Variants in TRAK1 observed in about 807,000 individuals in gnomAD.
The protein encoded by TRAK1 is trafficking kinesin-binding protein 1.
A neutral mutation model predicts 92.1 loss-of-function variants in TRAK1; 33 were observed. That is an observed-to-expected ratio of 0.36 (90% CI 0.27 to 0.48). TRAK1 has a LOEUF of 0.48. TRAK1 is among the 20% of genes least tolerant of loss of function. The probability of loss-of-function intolerance (pLI) is 0.99; values close to 1 mark genes in which losing one functional copy is unlikely to be tolerated. For synonymous variants in TRAK1, 521 were observed against 517.3 expected (o/e 1.01, Z -0.10); for missense variants, 1,123 against 1,257.9 (o/e 0.89, Z 1.62).
chr3:42,223,009 C>A lies in TRAK1; in HGVS notation c.2134C>A (p.Pro712Thr). 3.1e-6 allele frequency: 5 copies of A among 1,614,170 alleles called. No individual in the cohort carries two copies. The highest frequency in any genetic ancestry group is 4.2e-6 in the Non-Finnish European group (5 of 1,180,030). The change falls in exon 16 of 16, where the codon CCA becomes ACA. Residue 712 changes from proline to threonine, a missense_variant. Pro to Thr is a conservative substitution (Grantham distance 38). This residue lies in a region of TRAK1 where 401 missense variants were observed against 438.9 expected (regional missense o/e 0.91). Transcript: ENST00000327628. This position sits in a 1 kb window ranked among gnomAD's most constrained non-coding sequence, Gnocchi z 6.1. ...CTTGAAATCCACGCCGGTGGCCACA[C>A]CATGCACTCCACGGAGACTGAGCCT... ...SHLKSTPVAT[P>T]CTPRRLSLAE... is the part of the protein sequence containing the mutation.
chr3:42,043,050 G>T (rs1401818356), intron 1 of TRAK1, among the ~76,000 whole-genome samples: 1 of 152,088 alleles, frequency 6.6e-6, no homozygotes, highest in Non-Finnish European at 1.5e-5. Context: ...TGATCCTGGG[G>T]ACTCTGACTT....
At chr3:42,110,129 T>TATATATATATATATATATATAA (rs1553719444) in intron 1 of TRAK1, among the ~76,000 whole-genome samples, 3 of 128,486 alleles carry the variant, frequency 2.3e-5, no homozygotes, top group African/African-American at 8.7e-5. Flanking sequence ...TATATATATA[T>TATATATATATATATATATATAA]ATAAACTTTG....
chr3:42,147,958 G>A (rs1187008959), intron 2 of TRAK1, among the ~76,000 whole-genome samples: 1 of 152,104 alleles, frequency 6.6e-6, no homozygotes, highest in Non-Finnish European at 1.5e-5. Flanking sequence ...TAAGATGTGT[G>A]TGTCTATGTG....
At position 42,029,543 on chromosome 3, in the gene TRAK1, G is replaced by A. The variant is rs960240451; in HGVS notation, c.-519+15426G>A. Reference sequence around the variant, plus strand: ...AGGTATGAGTCAGTGTGCCCAGCCTGATAGAATTTTTTTTTTTTTTTTTTG... The same window carrying A: ...AGGTATGAGTCAGTGTGCCCAGCCTAATAGAATTTTTTTTTTTTTTTTTTG... On this transcript the variant is annotated intron_variant, in intron 1 of 16. Coordinates refer to the TRAK1 transcript ENST00000487159. Among the ~76,000 whole-genome samples the A allele has an allele frequency of 5.3e-5, 8 of 151,304 alleles. No homozygotes were observed. In the East Asian group the frequency reaches 1.6e-3, roughly 30 times the overall value.
At chr3:42,174,413 G>T (rs1303775154) in intron 2 of TRAK1, among the ~76,000 whole-genome samples, 1 of 152,186 alleles carries the variant, frequency 6.6e-6, no homozygotes, top group Non-Finnish European at 1.5e-5. Context: ...TATCAGTGCT[G>T]ATATCCTGGT....
upstream of TRAK1, among the ~76,000 whole-genome samples, chr3:42,084,004 A>G (rs1361958531): frequency 6.6e-6 from 1 of 152,172 alleles, no homozygotes; most frequent in African/African-American, 2.4e-5. Context: ...TTTGGAATTT[A>G]AAATTTTTAC....
At chr3:42,030,835 G>A (rs955602376) in intron 1 of TRAK1, among the ~76,000 whole-genome samples, 5 of 150,744 alleles carry the variant, frequency 3.3e-5, no homozygotes, top group Non-Finnish European at 4.4e-5. Flanking sequence ...TCTCAAGCTA[G>A]AAGTAGTGGA....
intron 15 of TRAK1, 60 bp downstream of exon 15, chr3:42,219,656 C>T (rs1467727097): frequency 6.3e-7 from 1 of 1,588,164 alleles, no homozygotes; most frequent in Non-Finnish European, 8.6e-7. Context: ...ACTCCCTTCC[C>T]TGCAAGGCTT....
rs186547999 is a variant in TRAK1 at position 42,132,068 on chromosome 3, C to T, written c.286+6454C>T. 8.1e-3 allele frequency among the ~76,000 whole-genome samples: 1,226 copies of T among 151,786 alleles called. 28 individuals are homozygous for T. Among genetic ancestry groups the T allele is most frequent in the Non-Finnish European group, 0.01 (705 of 67,902 alleles). On this transcript the variant is annotated intron_variant, in intron 2 of 15. Transcript: ENST00000327628. ...TGGGCAACAGAGCGAGACTCTGCCTCAAAAAAAGAAAAAGGAAAAAACCAG... is the reference window on the plus strand; with the variant it reads ...TGGGCAACAGAGCGAGACTCTGCCTTAAAAAAAGAAAAAGGAAAAAACCAG...
At chr3:42,210,403 TAA>T (rs10717713) in intron 14 of TRAK1, 232,763 of 1,030,934 alleles carry the variant, frequency 0.23, 1,770 homozygotes, top group Non-Finnish European at 0.23. Flanking sequence ...GAAAGGCTGC[TAA>T]AAAAAAAAAA....
chr3:42,118,707 G>C (rs1308926158), intron 1 of TRAK1, among the ~76,000 whole-genome samples: 2 of 152,226 alleles, frequency 1.3e-5, no homozygotes, highest in African/African-American at 4.8e-5. Context: ...CCCACATCCT[G>C]GGTAGGAGGG....
chr3:42,193,895 C>T lies in TRAK1; in HGVS notation c.972C>T (p.Ala324=), dbSNP rs768700164. ...AAKDAQRQLT[A]ELRELEDKYA... ...AGGATGCCCAGCGGCAGCTCACAGC[C>T]GAGGTGAGCACCTCTCCCTCATTCC... Residue 324 remains alanine (A), a synonymous_variant, in exon 9 of 16, where the codon GCC becomes GCT. Coordinates refer to ENST00000327628, the MANE Select transcript of TRAK1 (RefSeq NM_001042646.3). 2.4e-5 allele frequency: 39 copies of T among 1,613,702 alleles called. No homozygotes were observed. The highest frequency in any genetic ancestry group is 3.3e-4 in the Middle Eastern group (2 of 6,080).
upstream of TRAK1, among the ~76,000 whole-genome samples, chr3:42,083,487 G>T (rs1305452827): frequency 2.6e-5 from 4 of 152,176 alleles, no homozygotes; most frequent in Admixed American, 2.6e-4. Flanking sequence ...GACCATCAGG[G>T]TCTTTGAGTT....
chr3:42,181,470 G>A (rs1289079131), intron 3 of TRAK1, among the ~76,000 whole-genome samples: 1 of 152,228 alleles, frequency 6.6e-6, no homozygotes, highest in Admixed American at 6.5e-5. Context: ...CTAGAACCTA[G>A]GTAGCGGAGG....
At chr3:42,016,328 C>T (rs1701525906) in intron 1 of TRAK1, among the ~76,000 whole-genome samples, 1 of 152,138 alleles carries the variant, frequency 6.6e-6, no homozygotes, top group Non-Finnish European at 1.5e-5. Context: ...CCTCAGCCTC[C>T]CGAGTAGCTG....
At chr3:42,090,688 C>A (rs567945645), upstream of TRAK1, among the ~76,000 whole-genome samples, 144 of 152,198 alleles carry the variant, frequency 9.5e-4, no homozygotes, top group African/African-American at 3.3e-3. Context: ...CTCAAAAAAA[C>A]AAAACGAAAC....
At chr3:42,189,177 G>A (rs966052849) in intron 6 of TRAK1, 53 bp downstream of exon 6, 62 of 1,372,710 alleles carry the variant, frequency 4.5e-5, no homozygotes, top group East Asian at 3.0e-4. Context: ...GGCCCCATTC[G>A]CCTTATCTGG....
rs112141154 is a variant in TRAK1, at chr3:42,131,954, A to G, written c.286+6340A>G. ...GTGATGGTATGCACCTTGTAGTCCC[A>G]GCTACTCAGGAGGCTGAGGTGGTAG... is the stretch of plus-strand genomic sequence containing the variant. On this transcript the variant is annotated intron_variant, in intron 2 of 15. Coordinates refer to ENST00000327628, the MANE Select transcript of TRAK1 (RefSeq NM_001042646.3). Among the ~76,000 whole-genome samples, 868 of 149,996 alleles carry G rather than the reference A, an allele frequency of 5.8e-3. 33 individuals carry two copies. In the East Asian group the frequency reaches 0.1, roughly 17 times the overall value.
chr3:42,171,778 G>A (rs923940297), intron 2 of TRAK1, among the ~76,000 whole-genome samples: 3 of 152,162 alleles, frequency 2.0e-5, no homozygotes, highest in Non-Finnish European at 4.4e-5. Context: ...TCAGGCAGGG[G>A]CATGTTTCTG....
Sources: allele counts gnomAD v4.1 joint callset (sites outside exome capture counted in the v4.1 genomes callset), GRCh38; gene constraint gnomAD v4.1.1; regional missense constraint gnomAD v4.1.1; non-coding constraint Gnocchi (gnomAD v3.1); transcripts MANE v1.5; gene names NCBI Gene and HGNC (gene_info 2026-07-23, HGNC 2026-07-21).